The following TAF2 variants were observed in gnomAD, a reference collection of about 807,000 sequenced individuals.
The protein encoded by TAF2 is transcription initiation factor TFIID subunit 2.
TAF2 carries 61 observed loss-of-function variants against 138.5 expected under a neutral mutation model. That is an observed-to-expected ratio of 0.44 (90% confidence interval 0.36 to 0.54). The LOEUF (loss-of-function observed/expected upper bound fraction) is 0.54. TAF2 is among the 20% of genes least tolerant of loss of function. TAF2 has a pLI of 0.00. For missense variants in TAF2, 1,090 were observed against 1,427.9 expected (o/e 0.76, Z 3.81); for synonymous variants, 475 against 469.9 (o/e 1.01, Z -0.14).
chr8:119,742,110 T>C (rs1819636009), intron 25 of TAF2, among the ~76,000 whole-genome samples: 1 of 152,216 alleles, frequency 6.6e-6, no homozygotes, highest in Non-Finnish European at 1.5e-5. Context: ...AAGTGGTTGA[T>C]TTTTTATTTT....
rs1289159735 is a variant in TAF2, at chr8:119,819,473, C to T, written c.172G>A (p.Ala58Thr). 1 of 1,609,746 alleles carries T rather than the reference C, an allele frequency of 6.2e-7. No individual in the cohort carries two copies. The highest frequency in any genetic ancestry group is 1.1e-5 in the South Asian group (1 of 91,052). ...FVELTIFPTV[A>T]NLNRIKLNSK... ...TTCAACTTGATTCTATTCAAGTTTG[C>T]AACTGTGGGAAATATAGTCAGTTCC... The change falls in exon 3 of 26, where the codon GCA becomes ACA. Residue 58 changes from alanine (A) to threonine (T), a missense_variant. By Grantham distance (58) the Ala-to-Thr change is moderately conservative. Around this residue, in one of 3 missense-constraint regions of TAF2, gnomAD observed 504 missense variants for 680.9 expected, o/e 0.74. Coordinates refer to ENST00000378164, the MANE Select transcript of TAF2 (RefSeq NM_003184.4).
In TAF2 at chr8:119,788,780, A is replaced by G. The variant is rs1823213615; in HGVS notation, c.1683+10T>C. The G allele has an allele frequency of 6.2e-7, 1 of 1,601,136 alleles. No homozygotes were observed. Among genetic ancestry groups the G allele is most frequent in the African/African-American group, 1.3e-5 (1 of 74,778 alleles). On this transcript the variant is annotated intron_variant, in intron 13 of 25. Transcript: ENST00000378164. Reference sequence around the variant, plus strand: ...TAGCAGTACAAAGGCGATTTTGGAAAAAGACTTACCACGTATTTCTGAGTT... The same window carrying G: ...TAGCAGTACAAAGGCGATTTTGGAAGAAGACTTACCACGTATTTCTGAGTT...
chr8:119,829,517 TTGTG>T lies in TAF2; in HGVS notation c.138+2156_138+2159del, dbSNP rs371823307. ...ACTCCCTTCATTTCCCTCAATTAACTTGTGTGTGTGTGTGAGTGTGTGTGTATAT... is the reference window on the plus strand; with the variant it reads ...ACTCCCTTCATTTCCCTCAATTAACTTGTGTGTGTGAGTGTGTGTGTATAT... On this transcript the variant is annotated intron_variant, in intron 2 of 25. Coordinates refer to ENST00000378164, the MANE Select transcript of TAF2 (RefSeq NM_003184.4). Among the ~76,000 whole-genome samples the T allele has an allele frequency of 5.7e-4, 87 of 151,672 alleles. 1 individual carries two copies. Among genetic ancestry groups the T allele is most frequent in the African/African-American group, 1.8e-3 (76 of 41,380 alleles).
At chr8:119,800,327 G>A (rs1420952455) in intron 6 of TAF2, among the ~76,000 whole-genome samples, 3 of 152,284 alleles carry the variant, frequency 2.0e-5, no homozygotes, top group African/African-American at 7.2e-5. Flanking sequence ...TGTATAAGGT[G>A]TAAGGAAGGG....
rs1822815470 is a variant in TAF2 at position 119,783,501 on chromosome 8, T to C, written c.1992A>G (p.Glu664=). ...RYERDVVAQQ[E]SILALEKFPT... ...GGAATTTTTCCAAAGCCAAAATGGA[T>C]TCCTGCTGTGCAACAACATCTCTCT... The change falls in exon 16 of 26, where the codon GAA becomes GAG. Residue 664 remains glutamate (E), a synonymous_variant. Transcript: ENST00000378164. The C allele has an allele frequency of 6.2e-7, 1 of 1,614,040 alleles. No individual in the cohort carries two copies.
At chr8:119,816,389 G>A (rs537992474) in intron 3 of TAF2, among the ~76,000 whole-genome samples, 1 of 152,168 alleles carries the variant, frequency 6.6e-6, no homozygotes, top group African/African-American at 2.4e-5. Flanking sequence ...AAAATAGGGA[G>A]GGCATGGCAC....
At chr8:119,768,407 T>C (rs953536143) in intron 18 of TAF2, among the ~76,000 whole-genome samples, 2 of 152,208 alleles carry the variant, frequency 1.3e-5, no homozygotes, top group South Asian at 2.1e-4. Context: ...TCTTGTACTT[T>C]TGTTAATGTG....
chr8:119,793,921 T>TG (rs1449753379), intron 9 of TAF2, among the ~76,000 whole-genome samples: 1 of 132,654 alleles, frequency 7.5e-6, no homozygotes, highest in Non-Finnish European at 1.6e-5. Flanking sequence ...AAGGGGGGGT[T>TG]GGGGGCAGTT....
At position 119,731,158 on chromosome 8, in the gene TAF2, T is replaced by C. The variant is rs1818857156; in HGVS notation, c.*766A>G. ...CACATTAAGCAAAACATATTTTACA[T>C]ATGAATATTTTCATTTATACTTACT... is the stretch of plus-strand genomic sequence containing the variant. On this transcript the variant is annotated 3_prime_UTR_variant, in exon 26 of 26. Transcript: ENST00000378164. 6.6e-6 allele frequency: 1 copy of C among 152,212 alleles called. No homozygotes were observed. Among genetic ancestry groups the C allele is most frequent in the Admixed American group, 6.5e-5 (1 of 15,282 alleles). The allele number at this position is 152,212 out of a possible 1,614,324, so 9.4% of individuals were successfully genotyped here.
intron 12 of TAF2, 24 bp from the exon 13 acceptor site, chr8:119,788,928 T>C (rs964453678): frequency 6.8e-7 from 1 of 1,468,976 alleles, no homozygotes; most frequent in African/African-American, 1.4e-5. Flanking sequence ...AAGGAAAGTT[T>C]ACATACTGAA....
At position 119,819,490 on chromosome 8, in the gene TAF2, G is replaced by T. The variant is rs747142841; in HGVS notation, c.155C>A (p.Thr52Asn). ...RKSVVGFVEL[T>N]IFPTVANLNR... ...CAAGTTTGCAACTGTGGGAAATATA[G>T]TCAGTTCCACAAATCCCTGTAAAGA... Residue 52 changes from threonine to asparagine, a missense_variant, in exon 3 of 26, where the codon ACT becomes AAT. By Grantham distance (65) the Thr-to-Asn change is moderately conservative. Around this residue, in one of 3 missense-constraint regions of TAF2, gnomAD observed 504 missense variants for 680.9 expected, o/e 0.74. Coordinates refer to ENST00000378164, the MANE Select transcript of TAF2 (RefSeq NM_003184.4). The T allele has an allele frequency of 4.4e-6, 7 of 1,607,514 alleles. No individual in the cohort carries two copies. The highest frequency in any genetic ancestry group is 5.9e-6 in the Non-Finnish European group (7 of 1,178,764).
At position 119,746,854 on chromosome 8, in the gene TAF2, A is replaced by T. The variant is rs756622257; in HGVS notation, c.2959T>A (p.Leu987Ile). The T allele has an allele frequency of 6.2e-7, 1 of 1,614,166 alleles. No homozygotes were observed. Among genetic ancestry groups the T allele is most frequent in the Non-Finnish European group, 8.5e-7 (1 of 1,180,028 alleles). The change falls in exon 23 of 26, where the codon TTA becomes ATA. Residue 987 changes from leucine to isoleucine, a missense_variant. Transcript: ENST00000378164. Reference sequence around the variant, plus strand: ...ACCAACCCAAGCTCTGGCAAGGGTAAACAGGAAGGTCTACTGAGGCCAAAA... The same window carrying T: ...ACCAACCCAAGCTCTGGCAAGGGTATACAGGAAGGTCTACTGAGGCCAAAA... ...TLFGLSRPSC[L>I]PLPELGLVLN... is the part of the protein sequence containing the mutation.
At position 119,731,974 on chromosome 8, in the gene TAF2, A is replaced by C. The variant is rs1039840663; in HGVS notation, c.3550T>G (p.Ser1184Ala). The C allele has an allele frequency of 6.2e-7, 1 of 1,614,034 alleles. No individual in the cohort carries two copies. ...ATAGACCTGCCACTGGCAGGGCTGG[A>C]GAAAGTGAAAGGCTCCTTGTCCTTT... ...KEKDKEPFTF[S>A]SPASGRSIRS... The change falls in exon 26 of 26, where the codon TCC (serine) becomes GCC (alanine). Residue 1184 changes from serine to alanine, a missense_variant. Ser to Ala is a moderately conservative substitution (Grantham distance 99, BLOSUM62 1). Around this residue, in one of 3 missense-constraint regions of TAF2, gnomAD observed 580 missense variants for 719.6 expected, o/e 0.81. Transcript: ENST00000378164.
rs950286936 is a variant in TAF2, at chr8:119,788,550, C to T, written c.1684-103G>A. 104 of 946,062 alleles carry T rather than the reference C, an allele frequency of 1.1e-4. 2 individuals are homozygous for T. The African/African-American group carries it at 1.4e-3, about 13-fold the overall frequency. 58.6% of individuals were successfully genotyped at this position (946,062 alleles called of 1,614,324 possible). Reference sequence around the variant, plus strand: ...ATAAATCAAGATATAAAATATTACACAAAATGAGTATCTGGAGACCTAGAT... The same window carrying T: ...ATAAATCAAGATATAAAATATTACATAAAATGAGTATCTGGAGACCTAGAT... On this transcript the variant is annotated intron_variant, in intron 13 of 25. Transcript: ENST00000378164.
intron 9 of TAF2, among the ~76,000 whole-genome samples, chr8:119,794,205 G>A (rs1823653556): frequency 1.3e-5 from 2 of 152,090 alleles, no homozygotes; most frequent in Admixed American, 1.3e-4. Context: ...AGACCATCCT[G>A]GCCAACATGG....
intron 24 of TAF2, among the ~76,000 whole-genome samples, chr8:119,744,055 T>C (rs916899010): frequency 1.3e-5 from 2 of 152,174 alleles, no homozygotes. Flanking sequence ...ATCTGAATGA[T>C]GGATTTTATA....
At chr8:119,827,061 T>C (rs1004023568) in intron 2 of TAF2, among the ~76,000 whole-genome samples, 1 of 152,080 alleles carries the variant, frequency 6.6e-6, no homozygotes, top group Non-Finnish European at 1.5e-5. Context: ...AGGCTGGTGG[T>C]ACGTGCCTGT....
At chr8:119,756,501 A>G (rs1413690178) in intron 21 of TAF2, among the ~76,000 whole-genome samples, 3 of 152,188 alleles carry the variant, frequency 2.0e-5, no homozygotes, top group Non-Finnish European at 4.4e-5. Context: ...ATATATCTAC[A>G]ATGACTGGTC....
intron 9 of TAF2, among the ~76,000 whole-genome samples, chr8:119,794,180 G>A (rs1223708675): frequency 2.6e-5 from 4 of 152,170 alleles, no homozygotes; most frequent in African/African-American, 4.8e-5. Context: ...AGTGGATCAC[G>A]AGGTCAGAAG....
Sources: allele counts gnomAD v4.1 joint callset (sites outside exome capture counted in the v4.1 genomes callset), GRCh38; gene constraint gnomAD v4.1.1; regional missense constraint gnomAD v4.1.1; transcripts MANE v1.5; gene names NCBI Gene and HGNC (gene_info 2026-07-23, HGNC 2026-07-21).